CYTH3: variants seen among roughly 807,000 people sequenced by gnomAD.
The protein encoded by CYTH3 is cytohesin 3.
A neutral mutation model predicts 55.1 loss-of-function variants in CYTH3; 23 were observed. The ratio of observed to expected loss-of-function variants is 0.42; its 90% CI spans 0.30 to 0.59. The LOEUF is 0.59. CYTH3 is among the 20% of genes least tolerant of loss of function. The probability of loss-of-function intolerance (pLI) is 0.20; values close to 1 mark genes in which losing one functional copy is unlikely to be tolerated. For missense variants in CYTH3, 413 were observed against 524.8 expected (o/e 0.79, Z 2.08); for synonymous variants, 249 against 194.9 (o/e 1.28, Z -2.31).
chr7:6,172,001 G>A lies in CYTH3; in HGVS notation c.450-687C>T, dbSNP rs146075942. On this transcript the variant is annotated intron_variant, in intron 6 of 12. Coordinates refer to ENST00000350796, the MANE Select transcript of CYTH3 (RefSeq NM_004227.4). ...CTGCTACCTGTCTGCCTTAGCCACCGTCTGCCCGCCCAGGAGTGAGCCCCG... is the reference window on the plus strand; with the variant it reads ...CTGCTACCTGTCTGCCTTAGCCACCATCTGCCCGCCCAGGAGTGAGCCCCG... 8.1e-3 allele frequency: 1,247 copies of A among 153,358 alleles called. 8 individuals carry two copies. The highest frequency in any genetic ancestry group is 0.013 in the Non-Finnish European group (888 of 68,958). 9.5% of individuals were successfully genotyped at this position (153,358 alleles called of 1,614,324 possible).
chr7:6,201,351 A>C (rs1042315205), intron 1 of CYTH3, among the ~76,000 whole-genome samples: 1 of 152,228 alleles, frequency 6.6e-6, no homozygotes, highest in African/African-American at 2.4e-5. Flanking sequence ...AGAGGCTCCA[A>C]GGGTCCGATT....
intron 1 of CYTH3, among the ~76,000 whole-genome samples, chr7:6,208,198 T>C (rs1479832264): frequency 6.6e-6 from 1 of 152,200 alleles, no homozygotes; most frequent in Non-Finnish European, 1.5e-5. Flanking sequence ...AGCAATAAAC[T>C]AGCAATCAGG....
At chr7:6,176,409 C>T (rs1783352711) in intron 5 of CYTH3, among the ~76,000 whole-genome samples, 1 of 151,652 alleles carries the variant, frequency 6.6e-6, no homozygotes, top group Non-Finnish European at 1.5e-5. Flanking sequence ...ATACAGGCGC[C>T]CACCACCACA....
intron 1 of CYTH3, among the ~76,000 whole-genome samples, chr7:6,243,146 C>T (rs1039784740): frequency 1.3e-5 from 2 of 152,200 alleles, no homozygotes; most frequent in African/African-American, 2.4e-5. Context: ...ACTCTCTGCC[C>T]TAAGTCTGGC....
intron 4 of CYTH3, among the ~76,000 whole-genome samples, chr7:6,182,220 T>C (rs1783522457): frequency 6.6e-6 from 1 of 152,112 alleles, no homozygotes; most frequent in Non-Finnish European, 1.5e-5. Flanking sequence ...GCTAATTTTT[T>C]TCTATTTTTA....
chr7:6,181,778 C>T (rs1172424245), intron 4 of CYTH3, among the ~76,000 whole-genome samples: 1 of 152,124 alleles, frequency 6.6e-6, no homozygotes, highest in Non-Finnish European at 1.5e-5. Flanking sequence ...TGCATGTTTT[C>T]TTGTAGGTCT....
intron 1 of CYTH3, among the ~76,000 whole-genome samples, chr7:6,207,950 G>A (rs191958392): frequency 6.6e-6 from 1 of 151,866 alleles, no homozygotes; most frequent in Non-Finnish European, 1.5e-5. Flanking sequence ...ACCCTGTCTT[G>A]GGGGGGTGGG....
At chr7:6,217,240 T>C (rs144501992) in intron 1 of CYTH3, among the ~76,000 whole-genome samples, 2 of 152,178 alleles carry the variant, frequency 1.3e-5, no homozygotes, top group Non-Finnish European at 2.9e-5. Context: ...GTAAAAGGTC[T>C]AAATATAAAT....
intron 1 of CYTH3, among the ~76,000 whole-genome samples, chr7:6,195,856 T>C (rs1419813767): frequency 6.6e-6 from 1 of 152,166 alleles, no homozygotes; most frequent in Admixed American, 6.6e-5. Flanking sequence ...ATGGCTGAAA[T>C]GTCCCAAATT....
At chr7:6,244,972 T>A (rs985518843) in intron 1 of CYTH3, among the ~76,000 whole-genome samples, 1 of 118,278 alleles carries the variant, frequency 8.5e-6, no homozygotes, top group African/African-American at 3.2e-5. Flanking sequence ...TTTTTTTTTT[T>A]TTTTTTTTTT....
intron 1 of CYTH3, among the ~76,000 whole-genome samples, chr7:6,198,551 T>C (rs1469922042): frequency 1.3e-5 from 2 of 152,214 alleles, no homozygotes; most frequent in African/African-American, 4.8e-5. Flanking sequence ...CAGCCTTCAA[T>C]CAAAGTTATC....
At position 6,177,849 on chromosome 7, in the gene CYTH3, G is replaced by C; in HGVS notation, c.342C>G (p.Thr114=). 1 of 1,613,982 alleles carries C rather than the reference G, an allele frequency of 6.2e-7. No homozygotes were observed. Among genetic ancestry groups the C allele is most frequent in the Non-Finnish European group, 8.5e-7 (1 of 1,179,892 alleles). The change falls in exon 5 of 13, where the codon ACC becomes ACG. Residue 114 remains threonine, a synonymous_variant. Coordinates refer to ENST00000350796, the MANE Select transcript of CYTH3 (RefSeq NM_004227.4). ...TTTCACCCAGGTAGTCCCCAATGACGGTCTTATTTAGGCCTTCTCCTTTAT... is the reference window on the plus strand; with the variant it reads ...TTTCACCCAGGTAGTCCCCAATGACCGTCTTATTTAGGCCTTCTCCTTTAT... ...FLYKGEGLNK[T]VIGDYLGERD...
intron 1 of CYTH3, among the ~76,000 whole-genome samples, chr7:6,270,466 G>C (rs140656433): frequency 2.0e-4 from 31 of 152,248 alleles, no homozygotes; most frequent in African/African-American, 7.2e-4. Context: ...TCACGTCTTT[G>C]ATGGTTTTTT....
At chr7:6,201,912 A>C (rs1200744834) in intron 1 of CYTH3, among the ~76,000 whole-genome samples, 1 of 152,228 alleles carries the variant, frequency 6.6e-6, no homozygotes, top group African/African-American at 2.4e-5. Flanking sequence ...AAGGCAAGGA[A>C]AGAGAAAGAG....
rs771974685 is a variant in CYTH3 at position 6,165,743 on chromosome 7, T to C, written c.891A>G (p.Glu297=). ...CCTGGCCCTTACTTACTGTTGTGTA[T>C]TCAAAGTAATAGAGGCAGTTATCGG... ...ILTDNCLYYF[E]YTTDKEPRGI... is the part of the protein sequence containing the mutation. Residue 297 remains glutamate (E), a synonymous_variant, in exon 10 of 13, where the codon GAA becomes GAG. Transcript: ENST00000350796. The C allele has an allele frequency of 5.0e-6, 8 of 1,614,154 alleles. No individual in the cohort carries two copies. The South Asian group carries it at 7.7e-5, about 16-fold the overall frequency.
At chr7:6,199,738 C>T (rs1399842227) in intron 1 of CYTH3, among the ~76,000 whole-genome samples, 2 of 152,182 alleles carry the variant, frequency 1.3e-5, no homozygotes. Context: ...TGAGTGAATA[C>T]TTTCCCTTCA....
intron 1 of CYTH3, among the ~76,000 whole-genome samples, chr7:6,221,968 A>G (rs1028937796): frequency 1.3e-5 from 2 of 152,314 alleles, no homozygotes; most frequent in East Asian, 3.9e-4. Context: ...AAAAACAAAA[A>G]AAACTAAAAA....
chr7:6,209,849 G>A (rs1784284109), intron 1 of CYTH3, among the ~76,000 whole-genome samples: 1 of 152,274 alleles, frequency 6.6e-6, no homozygotes, highest in East Asian at 1.9e-4. Context: ...AGTGAAAGAA[G>A]CCAATATGAA....
At chr7:6,179,764 A>ACCCCCAC (rs1562881538) in intron 4 of CYTH3, among the ~76,000 whole-genome samples, 7 of 109,614 alleles carry the variant, frequency 6.4e-5, no homozygotes, top group African/African-American at 1.9e-4. Context: ...CCCCCACCAC[A>ACCCCCAC]CACACCCCAC....
Sources: gnomAD v4.1 joint callset for allele counts (sites outside exome capture counted in the v4.1 genomes callset) on GRCh38, gnomAD v4.1.1 for gene constraint, MANE v1.5 for transcripts, NCBI Gene and HGNC (gene_info 2026-07-23, HGNC 2026-07-21) for gene names.